SH3KBP1: variants seen among roughly 807,000 people sequenced by gnomAD.
SH3KBP1 encodes the protein SH3 domain containing kinase binding protein 1, also known as SH3 domain-containing kinase-binding protein 1.
A neutral mutation model predicts 50.1 loss-of-function variants in SH3KBP1; 8 were observed. The ratio of observed to expected loss-of-function variants is 0.16; its 90% CI spans 0.09 to 0.29. The LOEUF (loss-of-function observed/expected upper bound fraction) is 0.29. Among genes scored for constraint, SH3KBP1 ranks in the 10% least tolerant of loss-of-function variants. The pLI, the probability that SH3KBP1 is intolerant of heterozygous loss-of-function variation, is 1.00. For synonymous variants in SH3KBP1, 227 were observed against 218.6 expected (o/e 1.04, Z -0.34); for missense variants, 377 against 535.2 (o/e 0.70, Z 2.92).
chrX:19,792,879 C>T (rs1417904095), intron 2 of SH3KBP1, among the ~76,000 whole-genome samples: 1 of 110,413 alleles, frequency 9.1e-6, no homozygotes, highest in East Asian at 2.8e-4. Context: ...ACACACAGGA[C>T]AGCCCCCACA....
At chrX:19,696,710 A>G (rs1221177685) in intron 4 of SH3KBP1, among the ~76,000 whole-genome samples, 1 of 111,785 alleles carries the variant, frequency 8.9e-6, no homozygotes, top group African/African-American at 3.3e-5. Flanking sequence ...CAGAAGTCAG[A>G]ATAGCAAACT....
At chrX:19,739,018 A>G (rs944976852) in intron 3 of SH3KBP1, among the ~76,000 whole-genome samples, 4 of 104,406 alleles carry the variant, frequency 3.8e-5, no homozygotes, top group Non-Finnish European at 5.9e-5. Flanking sequence ...CTCCAAGAAA[A>G]AAAAAAAAAA....
At chrX:19,691,325 GCTCT>G (rs747033807) in intron 5 of SH3KBP1, among the ~76,000 whole-genome samples, 3,568 of 84,297 alleles carry the variant, frequency 0.042, 158 homozygotes, top group African/African-American at 0.13. Flanking sequence ...AATCTCTGTC[GCTCT>G]CTCTCTCTCT....
At chrX:19,694,367 T>C (rs2063362901) in intron 5 of SH3KBP1, among the ~76,000 whole-genome samples, 1 of 111,246 alleles carries the variant, frequency 9.0e-6, no homozygotes, top group South Asian at 3.8e-4. Flanking sequence ...CAAGGACACC[T>C]TCTCCCCTCC....
chrX:19,652,516 T>C (rs2062155103), intron 6 of SH3KBP1, among the ~76,000 whole-genome samples: 1 of 111,304 alleles, frequency 9.0e-6, no homozygotes, highest in African/African-American at 3.3e-5. Context: ...CTGAAATCAT[T>C]TTCCAAAGTG....
chrX:19,621,073 CTTTTTTTTT>C (rs1186690221), intron 8 of SH3KBP1, among the ~76,000 whole-genome samples: 2 of 32,676 alleles, frequency 6.1e-5, no homozygotes, highest in African/African-American at 1.1e-4. Context: ...TCTTTTCTTT[CTTTTTTTTT>C]TTTTTTTTTT....
intron 2 of SH3KBP1, among the ~76,000 whole-genome samples, chrX:19,789,586 C>G (rs747067723): frequency 5.3e-4 from 58 of 109,214 alleles, no homozygotes; most frequent in African/African-American, 1.9e-3. Flanking sequence ...CCTGGTATCT[C>G]TCGGTGAGCC....
intron 4 of SH3KBP1, 119 bp from the exon 5 acceptor site, chrX:19,695,860 G>C: frequency 1.7e-6 from 1 of 605,105 alleles, no homozygotes; most frequent in Non-Finnish European, 2.5e-6. Context: ...AGACTGAATG[G>C]CTTTAAAGTT....
chrX:19,831,720 G>A (rs2067895958), intron 2 of SH3KBP1, among the ~76,000 whole-genome samples: 1 of 99,856 alleles, frequency 1.0e-5, no homozygotes, highest in Non-Finnish European at 2.0e-5. Context: ...GAACCCAGGA[G>A]GTGGAGGTTG....
At chrX:19,764,188 G>A (rs1054654648) in intron 2 of SH3KBP1, among the ~76,000 whole-genome samples, 10 of 110,537 alleles carry the variant, frequency 9.0e-5, no homozygotes, top group Non-Finnish European at 1.7e-4. Context: ...ACAAGGCCCT[G>A]ATTTTAGGAG....
chrX:19,545,930 T>C lies in SH3KBP1; in HGVS notation c.1615A>G (p.Ile539Val), dbSNP rs374218492. The change falls in exon 15 of 18, where the codon ATA becomes GTA. Residue 539 changes from isoleucine (I) to valine (V), a missense_variant. By Grantham distance (29) the Ile-to-Val change is conservative. Coordinates refer to ENST00000397821, the MANE Select transcript of SH3KBP1 (RefSeq NM_031892.3). ...ASKKTSKTVT[I>V]SQVSDNKASL... ...CATGGCTGGTGACTCACTTGGGATA[T>C]GGTAACAGTCTTGGAAGTTTTCTTT... is the stretch of plus-strand genomic sequence containing the variant. The C allele has an allele frequency of 5.8e-5, 70 of 1,209,478 alleles. No individual in the cohort carries two copies. Among genetic ancestry groups the C allele is most frequent in the Non-Finnish European group, 6.9e-5 (62 of 894,904 alleles).
At chrX:19,608,105 A>G in intron 8 of SH3KBP1, 60 bp from the exon 9 acceptor site, 1 of 979,729 alleles carries the variant, frequency 1.0e-6, no homozygotes, top group South Asian at 2.2e-5. Context: ...GAGGGGTGTA[A>G]CCCCCCTCTT....
At chrX:19,836,391 C>T in intron 1 of SH3KBP1, 109 bp from the exon 2 acceptor site, 1 of 694,707 alleles carries the variant, frequency 1.4e-6, no homozygotes, top group Non-Finnish European at 2.2e-6. Flanking sequence ...TTCCCCTCTA[C>T]AAATATTCAA....
intron 8 of SH3KBP1, among the ~76,000 whole-genome samples, chrX:19,628,130 C>T (rs1447862093): frequency 8.9e-6 from 1 of 112,253 alleles, no homozygotes; most frequent in African/African-American, 3.2e-5. Flanking sequence ...ATATTTATGG[C>T]ATGTTTTCTT....
chrX:19,594,561 G>A, intron 10 of SH3KBP1, among the ~76,000 whole-genome samples: 1 of 111,756 alleles, frequency 8.9e-6, no homozygotes, highest in East Asian at 2.8e-4. Context: ...TATGACCTGT[G>A]GGAAACAATC....
At chrX:19,722,569 GGTGTGTGTGTGTGTGTGTGT>G (rs55675573) in intron 3 of SH3KBP1, among the ~76,000 whole-genome samples, 1 of 84,259 alleles carries the variant, frequency 1.2e-5, no homozygotes, top group Non-Finnish European at 2.3e-5. Flanking sequence ...CGTGCGCACT[GGTGTGTGTGTGTGTGTGTGT>G]GTGTGTGTGT....
Position 19,534,739 on chromosome X carries a change from C to T in SH3KBP1, c.*1678G>A, listed in dbSNP as rs867856503. The T allele has an allele frequency of 6.8e-6, 2 of 294,496 alleles. No individual in the cohort carries two copies. The highest frequency in any genetic ancestry group is 1.2e-5 in the Non-Finnish European group (2 of 168,718). The allele number at this position is 294,496 out of a possible 1,213,427, so 24.3% of individuals were successfully genotyped here. A position where few individuals can be genotyped will look rare whatever the true frequency, so the allele number is the denominator to read the frequency against. On this transcript the variant is annotated 3_prime_UTR_variant, in exon 18 of 18. Transcript: ENST00000397821. The stretch of plus-strand genomic sequence containing the variant: ...TATACACTCCCTTCCCTTAATTATG[C>T]CCCCACCCAGGAAGACCAAGGTGTT...
In SH3KBP1 at chrX:19,862,617, T is replaced by C. The variant is rs369229604; in HGVS notation, c.4+24690A>G. The stretch of plus-strand genomic sequence containing the variant: ...TTTCTTAGTGCCTCAAACTAGATAC[T>C]ATTCAGACATGTTACAGCCAAGTTA... On this transcript the variant is annotated intron_variant, in intron 1 of 17. Coordinates refer to ENST00000397821, the MANE Select transcript of SH3KBP1 (RefSeq NM_031892.3). 6.1e-4 allele frequency among the ~76,000 whole-genome samples: 67 copies of C among 110,682 alleles called. 1 individual carries two copies. The East Asian group carries it at 0.017, about 28-fold the overall frequency.
At chrX:19,747,260 T>A (rs2064942813) in intron 2 of SH3KBP1, among the ~76,000 whole-genome samples, 1 of 112,419 alleles carries the variant, frequency 8.9e-6, no homozygotes, top group Admixed American at 9.4e-5. Context: ...ATTGCTTTAA[T>A]AATTTACATA....
Sources: gnomAD v4.1 joint callset for allele counts (sites outside exome capture counted in the v4.1 genomes callset) on GRCh38, gnomAD v4.1.1 for gene constraint, MANE v1.5 for transcripts, NCBI Gene and HGNC (gene_info 2026-07-23, HGNC 2026-07-21) for gene names.